KAZN: variants seen among roughly 807,000 people sequenced by gnomAD.
The protein encoded by KAZN is kazrin.
KAZN carries 40 observed loss-of-function variants against 87.4 expected under a neutral mutation model. The observed-to-expected ratio is 0.46, with a 90% CI of 0.36 to 0.60. The LOEUF is 0.60. Among genes scored for constraint, KAZN ranks in the 20% least tolerant of loss-of-function variants. KAZN has a pLI of 0.00. For missense variants in KAZN, 898 were observed against 1,073.9 expected, an observed-to-expected ratio of 0.84 and a Z score of 2.29; for synonymous variants, 466 against 458.3, an observed-to-expected ratio of 1.02 and a Z score of -0.22.
intron 1 of KAZN, among the ~76,000 whole-genome samples, chr1:14,024,549 A>G (rs1640985611): frequency 6.6e-6 from 1 of 152,244 alleles, no homozygotes; most frequent in African/African-American, 2.4e-5. Context: ...TCCTTGTGAA[A>G]ACAGTCAACA....
intron 2 of KAZN, among the ~76,000 whole-genome samples, chr1:14,269,833 C>T (rs994479818): frequency 6.6e-6 from 1 of 152,158 alleles, no homozygotes; most frequent in Admixed American, 6.5e-5. Context: ...AAGAGTAGAA[C>T]AGGTGATGAA....
At chr1:14,729,550 A>T (rs1643579366) in intron 1 of KAZN, among the ~76,000 whole-genome samples, 1 of 152,216 alleles carries the variant, frequency 6.6e-6, no homozygotes, top group African/African-American at 2.4e-5. Context: ...GAATTCCAGA[A>T]TGGGAAGGTG....
intron 3 of KAZN, 112 bp downstream of exon 3, chr1:15,034,997 G>T: frequency 7.3e-7 from 1 of 1,362,424 alleles, no homozygotes; most frequent in Non-Finnish European, 1.0e-6. Flanking sequence ...CACAGATAGG[G>T]AGGCCCTTGA....
intron 13 of KAZN, among the ~76,000 whole-genome samples, chr1:15,108,232 C>T (rs1641363317): frequency 6.6e-6 from 1 of 152,214 alleles, no homozygotes; most frequent in Non-Finnish European, 1.5e-5. Context: ...CAGCAGGCCG[C>T]TGGAATGGGG....
intron 2 of KAZN, among the ~76,000 whole-genome samples, chr1:14,214,009 G>A (rs1356950002): frequency 6.6e-6 from 1 of 152,204 alleles, no homozygotes; most frequent in Non-Finnish European, 1.5e-5. Context: ...TTTGGCGTGG[G>A]CTTAAGGAGT....
At position 14,008,135 on chromosome 1, in the gene KAZN, T is replaced by A. The variant is rs144413863; in HGVS notation, c.91+114379T>A. 2.8e-3 allele frequency among the ~76,000 whole-genome samples: 419 copies of A among 152,336 alleles called. 2 individuals are homozygous for A. Among genetic ancestry groups the A allele is most frequent in the Non-Finnish European group, 4.3e-3 (294 of 68,026 alleles). On this transcript the variant is annotated intron_variant, in intron 1 of 16. Coordinates refer to the KAZN transcript ENST00000636203. ...GTCAAGGCATGCTGCTCCCAACCCCTGTGTTTAATGTTCATTTTCTGACCT... is the reference window on the plus strand; with the variant it reads ...GTCAAGGCATGCTGCTCCCAACCCCAGTGTTTAATGTTCATTTTCTGACCT...
chr1:14,095,853 C>A (rs1053703686), intron 1 of KAZN, among the ~76,000 whole-genome samples: 1 of 152,100 alleles, frequency 6.6e-6, no homozygotes, highest in African/African-American at 2.4e-5. Flanking sequence ...ACTGTCAAAG[C>A]AAGCATAAGA....
At position 14,764,190 on chromosome 1, in the gene KAZN, G is replaced by C. The variant is rs190783745; in HGVS notation, c.226+164967G>C. Among the ~76,000 whole-genome samples, 675 of 152,146 alleles carry C rather than the reference G, an allele frequency of 4.4e-3. 6 individuals are homozygous for C. Among genetic ancestry groups the C allele is most frequent in the African/African-American group, 0.015 (602 of 41,516 alleles). ...GCAGGAGGGTAGAATCCACATTCCCGGGGCACTGAGGGCTGGGACCTCAGG... is the reference window on the plus strand; with the variant it reads ...GCAGGAGGGTAGAATCCACATTCCCCGGGCACTGAGGGCTGGGACCTCAGG... On this transcript the variant is annotated intron_variant, in intron 1 of 14. Coordinates refer to ENST00000376030, the MANE Select transcript of KAZN (RefSeq NM_201628.3).
At chr1:14,647,328 G>C (rs946213696) in intron 1 of KAZN, among the ~76,000 whole-genome samples, 1 of 152,152 alleles carries the variant, frequency 6.6e-6, no homozygotes, top group African/African-American at 2.4e-5. Context: ...TTGCTGTCTT[G>C]CTAAATTTTC....
At chr1:14,070,895 G>A (rs998674740) in intron 1 of KAZN, among the ~76,000 whole-genome samples, 2 of 152,072 alleles carry the variant, frequency 1.3e-5, no homozygotes, top group African/African-American at 2.4e-5. Context: ...TCGAGGTATC[G>A]TCATTCCATT....
chr1:14,218,599 G>A (rs1156668570), intron 2 of KAZN, among the ~76,000 whole-genome samples: 1 of 152,102 alleles, frequency 6.6e-6, no homozygotes, highest in Non-Finnish European at 1.5e-5. Context: ...GACAATTTAT[G>A]TTCAGTAAGG....
At chr1:14,156,877 A>G (rs565371326) in intron 1 of KAZN, among the ~76,000 whole-genome samples, 1 of 150,576 alleles carries the variant, frequency 6.6e-6, no homozygotes, top group South Asian at 2.1e-4. Flanking sequence ...CTGCCATTTA[A>G]AAATTTGTTT....
chr1:14,480,527 A>G (rs1252555069), intron 2 of KAZN, among the ~76,000 whole-genome samples: 2 of 148,696 alleles, frequency 1.3e-5, no homozygotes, highest in Non-Finnish European at 3.0e-5. Context: ...ATTCTAGTGT[A>G]TATATAGCAT....
chr1:14,971,726 G>A (rs548110507), intron 2 of KAZN, among the ~76,000 whole-genome samples: 1 of 140,174 alleles, frequency 7.1e-6, no homozygotes, highest in South Asian at 2.4e-4. Context: ...CTGTTGCCCA[G>A]GCTGGAATGC....
intron 1 of KAZN, among the ~76,000 whole-genome samples, chr1:14,866,296 C>G (rs1651447874): frequency 6.6e-6 from 1 of 152,190 alleles, no homozygotes; most frequent in Non-Finnish European, 1.5e-5. Flanking sequence ...AGCAGGTGAC[C>G]TGTACAGAAA....
intron 2 of KAZN, among the ~76,000 whole-genome samples, chr1:14,321,228 GCAAA>G (rs973764396): frequency 1.1e-4 from 16 of 152,212 alleles, no homozygotes; most frequent in African/African-American, 3.9e-4. Context: ...CGAGATGTGG[GCAAA>G]CAGTCAAAGG....
chr1:15,104,111 C>T lies in KAZN; in HGVS notation c.1970C>T (p.Ala657Val). ...PTFNAEAMAT[A>V]LGIPSGKHIL... ...TTCAATGCCGAGGCCATGGCCACTG[C>T]CCTGGGCATCCCCAGTGGGAAGCAC... The change falls in exon 13 of 15, where the codon GCC becomes GTC. Residue 657 changes from alanine (A) to valine (V), a missense_variant. By Grantham distance (64) the Ala-to-Val change is moderately conservative. Coordinates refer to ENST00000376030, the MANE Select transcript of KAZN (RefSeq NM_201628.3). 1.2e-6 allele frequency: 2 copies of T among 1,611,464 alleles called. No homozygotes were observed. Among genetic ancestry groups the T allele is most frequent in the African/African-American group, 1.3e-5 (1 of 74,998 alleles).
chr1:14,776,933 CAAAAAAAAAAAA>C (rs56275592), intron 1 of KAZN, among the ~76,000 whole-genome samples: 3 of 113,108 alleles, frequency 2.7e-5, no homozygotes, highest in South Asian at 6.0e-4. Context: ...TACCCTGTCT[CAAAAAAAAAAAA>C]AAAAAAAAAA....
rs940099054 is a variant in KAZN at position 14,599,338 on chromosome 1, G to C, written c.226+115G>C. The C allele has an allele frequency of 2.1e-5, 23 of 1,114,006 alleles. No homozygotes were observed. In the African/African-American group the frequency reaches 3.6e-4, roughly 17 times the overall value. The allele number at this position is 1,114,006 out of a possible 1,614,324, so 69.0% of individuals were successfully genotyped here. A position where few individuals can be genotyped will look rare whatever the true frequency, so the allele number is the denominator to read the frequency against. On this transcript the variant is annotated intron_variant, in intron 1 of 14. Coordinates refer to ENST00000376030, the MANE Select transcript of KAZN (RefSeq NM_201628.3). The surrounding 1 kb of genome is among the most constrained non-coding windows in gnomAD (Gnocchi z 4.4). ...CGGGGCGAAATCGCTTTGCATTCTGGCTTGTAACCCTTTCCGCCCGGCGGT... is the reference window on the plus strand; with the variant it reads ...CGGGGCGAAATCGCTTTGCATTCTGCCTTGTAACCCTTTCCGCCCGGCGGT...
Sources: gnomAD v4.1 joint callset for allele counts (sites outside exome capture counted in the v4.1 genomes callset) on GRCh38, gnomAD v4.1.1 for gene constraint, Gnocchi (gnomAD v3.1) non-coding constraint, MANE v1.5 for transcripts, NCBI Gene and HGNC (gene_info 2026-07-23, HGNC 2026-07-21) for gene names.